EXOC6B: variants seen among roughly 807,000 people sequenced by gnomAD.
The protein encoded by EXOC6B is SEC15 homolog B.
EXOC6B carries 54 observed loss-of-function variants against 113.5 expected under a neutral mutation model. That is an observed-to-expected ratio of 0.48 (90% CI 0.38 to 0.60). EXOC6B has a LOEUF of 0.60. Ranked by LOEUF, EXOC6B falls within the 20% of genes least tolerant of loss-of-function variation. The pLI, the probability that EXOC6B is intolerant of heterozygous loss-of-function variation, is 0.00. For synonymous variants in EXOC6B, 357 were observed against 339.0 expected, an observed-to-expected ratio of 1.05 and a Z score of -0.58; for missense variants, 797 against 977.5, an observed-to-expected ratio of 0.82 and a Z score of 2.46.
chr2:72,372,347 C>T (rs962877533), intron 19 of EXOC6B, among the ~76,000 whole-genome samples: 9 of 152,128 alleles, frequency 5.9e-5, no homozygotes, highest in Middle Eastern at 6.8e-3. Flanking sequence ...ACACAAAAGA[C>T]CTAGAATGGC....
At chr2:72,655,532 G>A (rs892578675) in intron 6 of EXOC6B, among the ~76,000 whole-genome samples, 1 of 151,944 alleles carries the variant, frequency 6.6e-6, no homozygotes, top group African/African-American at 2.4e-5. Context: ...CAGATTTACG[G>A]TGGTTCCAAA....
At chr2:72,459,793 T>C (rs1370172465) in intron 18 of EXOC6B, among the ~76,000 whole-genome samples, 14 of 152,198 alleles carry the variant, frequency 9.2e-5, no homozygotes, top group South Asian at 4.2e-4. Flanking sequence ...AGGTAATTTA[T>C]AGATTCAATG....
At position 72,401,571 on chromosome 2, in the gene EXOC6B, A is replaced by G. The variant is rs1368181096; in HGVS notation, c.1981-21701T>C. On this transcript the variant is annotated intron_variant, in intron 18 of 21. Coordinates refer to ENST00000272427, the MANE Select transcript of EXOC6B (RefSeq NM_015189.3). ...TGTATATATATATATATATACATAT[A>G]TATATATATACATATATATATATAT... Among the ~76,000 whole-genome samples the G allele has an allele frequency of 6.6e-5, 2 of 30,488 alleles. 1 individual carries two copies. The highest frequency in any genetic ancestry group is 6.6e-4 in the African/African-American group (2 of 3,018). 20.0% of individuals were successfully genotyped at this position (30,488 alleles called of 152,430 possible). A position where few individuals can be genotyped will look rare whatever the true frequency, so the allele number is the denominator to read the frequency against.
chr2:72,777,037 T>C (rs947267594), intron 1 of EXOC6B, among the ~76,000 whole-genome samples: 9 of 152,088 alleles, frequency 5.9e-5, no homozygotes, highest in African/African-American at 2.2e-4. Flanking sequence ...GGTCAGGAGT[T>C]CAAGACCAGC....
chr2:72,775,091 CT>C (rs1683623653), intron 1 of EXOC6B, among the ~76,000 whole-genome samples: 2 of 152,140 alleles, frequency 1.3e-5, no homozygotes, highest in African/African-American at 4.8e-5. Flanking sequence ...GACATGCCAC[CT>C]TCCCAGCAAC....
At chr2:72,761,065 A>C (rs1682713869) in intron 1 of EXOC6B, among the ~76,000 whole-genome samples, 1 of 152,104 alleles carries the variant, frequency 6.6e-6, no homozygotes, top group Non-Finnish European at 1.5e-5. Context: ...CTATTATCCC[A>C]GCTACTCAGG....
At chr2:72,731,374 G>A in intron 3 of EXOC6B, 129 bp from the exon 4 acceptor site, 1 of 671,526 alleles carries the variant, frequency 1.5e-6, no homozygotes, top group South Asian at 1.9e-5. Context: ...CCTGCCAAGT[G>A]AACTAAGGAA....
intron 19 of EXOC6B, among the ~76,000 whole-genome samples, chr2:72,352,801 A>T (rs567457594): frequency 6.6e-6 from 1 of 151,222 alleles, no homozygotes; most frequent in African/African-American, 2.4e-5. Context: ...ATGTTATGGG[A>T]ACTTCTTGTA....
At chr2:72,434,791 T>C (rs1413772898) in intron 18 of EXOC6B, among the ~76,000 whole-genome samples, 1 of 152,180 alleles carries the variant, frequency 6.6e-6, no homozygotes, top group African/African-American at 2.4e-5. Flanking sequence ...TTGATTCTTC[T>C]CTCTTTTCTT....
intron 18 of EXOC6B, among the ~76,000 whole-genome samples, chr2:72,460,078 C>T (rs905812155): frequency 6.6e-6 from 1 of 151,868 alleles, no homozygotes; most frequent in Non-Finnish European, 1.5e-5. Flanking sequence ...TGATCTTTGA[C>T]AAACCTGAGA....
intron 18 of EXOC6B, among the ~76,000 whole-genome samples, chr2:72,425,030 C>G (rs1558654851): frequency 6.6e-6 from 1 of 152,140 alleles, no homozygotes; most frequent in Admixed American, 6.5e-5. Context: ...TGTTGCTCTC[C>G]TCTATGTGTC....
At chr2:72,515,710 T>C (rs1262495124) in intron 8 of EXOC6B, 3 of 987,906 alleles carry the variant, frequency 3.0e-6, no homozygotes, top group South Asian at 9.3e-5. Context: ...TGAGAAGTGC[T>C]CTACATAATA....
At chr2:72,258,137 T>C (rs1030036440) in intron 20 of EXOC6B, among the ~76,000 whole-genome samples, 1 of 152,114 alleles carries the variant, frequency 6.6e-6, no homozygotes, top group Non-Finnish European at 1.5e-5. Flanking sequence ...CTATTTCTTT[T>C]TAAACTCTCA....
intron 6 of EXOC6B, among the ~76,000 whole-genome samples, chr2:72,670,317 ATATAT>A (rs1436426945): frequency 6.6e-6 from 1 of 152,148 alleles, no homozygotes; most frequent in African/African-American, 2.4e-5. Flanking sequence ...AATTGTGTAG[ATATAT>A]TATTAATAGC....
chr2:72,472,782 T>C (rs1018005175), intron 17 of EXOC6B, among the ~76,000 whole-genome samples: 12 of 152,184 alleles, frequency 7.9e-5, no homozygotes, highest in East Asian at 1.9e-4. Context: ...GATTGTTTAT[T>C]TGAAATATTT....
chr2:72,709,965 T>G (rs1295343310), intron 6 of EXOC6B, among the ~76,000 whole-genome samples: 1 of 152,200 alleles, frequency 6.6e-6, no homozygotes, highest in African/African-American at 2.4e-5. Flanking sequence ...AAGCTCATAC[T>G]GTCCAAAATA....
intron 7 of EXOC6B, among the ~76,000 whole-genome samples, chr2:72,565,454 T>C (rs1704114506): frequency 6.6e-6 from 1 of 151,660 alleles, no homozygotes; most frequent in African/African-American, 2.4e-5. Flanking sequence ...TCTAAACCTT[T>C]AGGCAAAAGA....
intron 18 of EXOC6B, among the ~76,000 whole-genome samples, chr2:72,402,672 T>C (rs966562175): frequency 6.6e-5 from 10 of 152,206 alleles, no homozygotes; most frequent in Admixed American, 6.5e-4. Context: ...CTACTTCGAA[T>C]AGGCCATACT....
Position 72,629,400 on chromosome 2 carries a change from AG to A in EXOC6B, c.670-53733del, listed in dbSNP as rs1231711377. 1.4e-4 allele frequency among the ~76,000 whole-genome samples: 22 copies of A among 152,352 alleles called. 2 individuals carry two copies. The highest frequency in any genetic ancestry group is 4.6e-4 in the African/African-American group (19 of 41,588). ...AATTAGTTATTTAAGATATAAGAAT[AG>A]AAATTTCACAATAACTCAAGATAAA... On this transcript the variant is annotated intron_variant, in intron 6 of 21. Coordinates refer to ENST00000272427, the MANE Select transcript of EXOC6B (RefSeq NM_015189.3).
Sources: gnomAD v4.1 joint callset for allele counts (sites outside exome capture counted in the v4.1 genomes callset) on GRCh38, gnomAD v4.1.1 for gene constraint, MANE v1.5 for transcripts, NCBI Gene and HGNC (gene_info 2026-07-23, HGNC 2026-07-21) for gene names.